The following MKLN1 variants were observed in gnomAD, a reference collection of about 807,000 sequenced individuals.
MKLN1 encodes the protein muskelin 1.
A neutral mutation model predicts 99.0 loss-of-function variants in MKLN1; 18 were observed. The observed-to-expected ratio is 0.18, with a 90% confidence interval of 0.13 to 0.27. The LOEUF (loss-of-function observed/expected upper bound fraction) is 0.27, where lower values mean the gene tolerates loss of function less well. MKLN1 is among the 10% of genes least tolerant of loss of function. MKLN1 has a pLI of 1.00. For synonymous variants in MKLN1, 288 were observed against 293.2 expected, an observed-to-expected ratio of 0.98 and a Z score of 0.18; for missense variants, 621 against 875.9, an observed-to-expected ratio of 0.71 and a Z score of 3.67.
chr7:131,305,400 A>G (rs1000297297), intron 3 of MKLN1, among the ~76,000 whole-genome samples: 16 of 152,350 alleles, frequency 1.1e-4, no homozygotes, highest in African/African-American at 3.4e-4. Context: ...TAGTTCCCAT[A>G]TAGCAACTTA....
chr7:131,445,924 C>A, intron 12 of MKLN1, 21 bp downstream of exon 12: 2 of 1,532,400 alleles, frequency 1.3e-6, no homozygotes, highest in Non-Finnish European at 1.8e-6. Flanking sequence ...TGAGTGATTT[C>A]TTCTCTCATG....
chr7:131,262,436 C>G (rs1002135078), intron 3 of MKLN1, among the ~76,000 whole-genome samples: 2 of 151,992 alleles, frequency 1.3e-5, no homozygotes, highest in African/African-American at 4.8e-5. Context: ...GACTCCGTCT[C>G]AAAAATAAAA....
intron 1 of MKLN1, among the ~76,000 whole-genome samples, chr7:131,115,975 C>T (rs1410938003): frequency 2.0e-5 from 3 of 152,030 alleles, no homozygotes; most frequent in Non-Finnish European, 2.9e-5. Flanking sequence ...AAATGCAAAC[C>T]TTGTGAAGAT....
intron 2 of MKLN1, among the ~76,000 whole-genome samples, chr7:131,183,149 AAATC>A (rs974727875): frequency 8.5e-5 from 13 of 152,230 alleles, no homozygotes; most frequent in African/African-American, 3.1e-4. Context: ...TTATCATTAA[AAATC>A]AATCAGATAT....
intron 1 of MKLN1, 132 bp downstream of exon 1, chr7:131,328,129 A>G (rs1798946224): frequency 8.8e-7 from 1 of 1,135,484 alleles, no homozygotes. Flanking sequence ...CGGCCTCCGG[A>G]GTCTTAGTTC....
Position 131,431,153 on chromosome 7 carries a change from C to T in MKLN1, c.960+2008C>T, listed in dbSNP as rs137891177. Among the ~76,000 whole-genome samples, 455 of 151,566 alleles carry T rather than the reference C, an allele frequency of 3.0e-3. 1 individual carries two copies. The highest frequency in any genetic ancestry group is 0.01 in the African/African-American group (432 of 41,310). ...AGGAGAATCCCTTGAACCCAGGAGG[C>T]GGAGGTTGCAGTGAGCCGAGATGGC... On this transcript the variant is annotated intron_variant, in intron 9 of 17. Coordinates refer to ENST00000352689, the MANE Select transcript of MKLN1 (RefSeq NM_013255.5).
chr7:131,165,246 C>T (rs567827156), intron 2 of MKLN1, among the ~76,000 whole-genome samples: 4 of 152,208 alleles, frequency 2.6e-5, no homozygotes, highest in East Asian at 1.9e-4. Flanking sequence ...AGTGTAATGG[C>T]GCGATCTCTG....
At chr7:131,368,846 G>T (rs1160661395) in intron 1 of MKLN1, among the ~76,000 whole-genome samples, 1 of 151,892 alleles carries the variant, frequency 6.6e-6, no homozygotes, top group Non-Finnish European at 1.5e-5. Context: ...AATAATATAT[G>T]CTTATATATT....
chr7:131,307,513 G>A (rs564848382), intron 3 of MKLN1, among the ~76,000 whole-genome samples: 2 of 152,302 alleles, frequency 1.3e-5, no homozygotes, highest in African/African-American at 4.8e-5. Flanking sequence ...GCTGTACCCC[G>A]CAGAGTCACA....
chr7:131,269,797 T>C (rs1217990052), intron 3 of MKLN1, among the ~76,000 whole-genome samples: 3 of 152,248 alleles, frequency 2.0e-5, no homozygotes, highest in Non-Finnish European at 4.4e-5. Flanking sequence ...CCTCAAATAA[T>C]GTTTGTTATC....
At chr7:131,263,657 T>C (rs1472191580) in intron 3 of MKLN1, among the ~76,000 whole-genome samples, 2 of 151,738 alleles carry the variant, frequency 1.3e-5, no homozygotes, top group Non-Finnish European at 2.9e-5. Flanking sequence ...CTGCAACCTC[T>C]GCCTCCCGGG....
intron 3 of MKLN1, among the ~76,000 whole-genome samples, chr7:131,258,447 A>T (rs935076369): frequency 1.3e-5 from 2 of 151,700 alleles, no homozygotes; most frequent in Non-Finnish European, 2.9e-5. Context: ...CCTGAGTAGG[A>T]TGCCTCGGTG....
At chr7:131,304,080 G>A (rs1194242580) in intron 3 of MKLN1, among the ~76,000 whole-genome samples, 1 of 152,156 alleles carries the variant, frequency 6.6e-6, no homozygotes, top group African/African-American at 2.4e-5. Flanking sequence ...GTCCCCTGAA[G>A]TACATTAGGA....
intron 8 of MKLN1, among the ~76,000 whole-genome samples, chr7:131,427,128 TC>T (rs1169489366): frequency 6.6e-6 from 1 of 152,216 alleles, no homozygotes; most frequent in Non-Finnish European, 1.5e-5. Context: ...TAGAACTCAG[TC>T]CTGCTCCAGT....
chr7:131,160,112 T>C (rs1445959252), intron 2 of MKLN1, among the ~76,000 whole-genome samples: 4 of 152,228 alleles, frequency 2.6e-5, no homozygotes, highest in African/African-American at 7.2e-5. Flanking sequence ...CAACCACTTA[T>C]CTGCTTTCTG....
At chr7:131,279,171 G>C (rs1798015798) in intron 3 of MKLN1, among the ~76,000 whole-genome samples, 1 of 152,172 alleles carries the variant, frequency 6.6e-6, no homozygotes, top group South Asian at 2.1e-4. Flanking sequence ...GAGGCAGATA[G>C]GAAACTAGTA....
rs778327822 is a variant in MKLN1, at chr7:131,464,402, A to G, written c.1782A>G (p.Leu594=). 1 of 1,603,146 alleles carries G rather than the reference A, an allele frequency of 6.2e-7. No homozygotes were observed. The highest frequency in any genetic ancestry group is 1.1e-5 in the South Asian group (1 of 90,812). ...RFAHQLVYDE[L]HKVHYLFGGN... is the part of the protein sequence containing the mutation. ...CCCATCAGCTTGTATACGATGAGCT[A>G]CACAAGGTATCCTAACTACATTGAC... Residue 594 remains leucine, a synonymous_variant, in exon 14 of 18, where the codon CTA becomes CTG. Coordinates refer to ENST00000352689, the MANE Select transcript of MKLN1 (RefSeq NM_013255.5).
intron 9 of MKLN1, among the ~76,000 whole-genome samples, chr7:131,433,060 T>C (rs555782429): frequency 1.2e-4 from 18 of 152,220 alleles, no homozygotes; most frequent in Admixed American, 2.6e-4. Flanking sequence ...GCCCCAGTAA[T>C]GTTTTTTATA....
chr7:131,422,020 C>T (rs1035334736), intron 8 of MKLN1, among the ~76,000 whole-genome samples: 49 of 152,188 alleles, frequency 3.2e-4, no homozygotes, highest in African/African-American at 1.2e-3. Context: ...ATAACTTTCT[C>T]TAAGTAGAGT....
Sources: gnomAD v4.1 joint callset for allele counts (sites outside exome capture counted in the v4.1 genomes callset) on GRCh38, gnomAD v4.1.1 for gene constraint, MANE v1.5 for transcripts, NCBI Gene and HGNC (gene_info 2026-07-23, HGNC 2026-07-21) for gene names.